Variants in PLXNA2 observed in about 807,000 individuals in gnomAD.
PLXNA2 encodes the protein plexin-A2.
A neutral mutation model predicts 193.5 loss-of-function variants in PLXNA2; 91 were observed. The observed-to-expected ratio is 0.47, with a 90% confidence interval of 0.40 to 0.56. The LOEUF (loss-of-function observed/expected upper bound fraction) is 0.56, where lower values mean the gene tolerates loss of function less well. Ranked by LOEUF, PLXNA2 falls within the 20% of genes least tolerant of loss-of-function variation. PLXNA2 has a pLI of 0.00. For missense variants in PLXNA2, 1,995 were observed against 2,503.2 expected, an observed-to-expected ratio of 0.80 and a Z score of 4.33; for synonymous variants, 997 against 1,027.3, an observed-to-expected ratio of 0.97 and a Z score of 0.56.
chr1:208,194,435 C>T (rs1486547832), intron 3 of PLXNA2, among the ~76,000 whole-genome samples: 3 of 119,754 alleles, frequency 2.5e-5, no homozygotes, highest in Non-Finnish European at 5.1e-5. Context: ...GCCCAGTGCC[C>T]AATAAATAAT....
chr1:208,218,726 C>T (rs1671226251), intron 1 of PLXNA2, among the ~76,000 whole-genome samples: 1 of 152,224 alleles, frequency 6.6e-6, no homozygotes, highest in Non-Finnish European at 1.5e-5. Flanking sequence ...CCACATGTGC[C>T]ATTCCGGAGC....
In PLXNA2 at chr1:208,024,731, G is replaced by C. The variant is rs1459962482; in HGVS notation, c.*2512C>G. The C allele has an allele frequency of 1.3e-5, 2 of 152,344 alleles. No homozygotes were observed. The highest frequency in any genetic ancestry group is 4.1e-4 in the South Asian group (2 of 4,826). 9.4% of individuals were successfully genotyped at this position (152,344 alleles called of 1,614,324 possible). Reference sequence around the variant, plus strand: ...ATGCCAGGTAGATGCATTGAGTTAAGGGCTGGTAGAGATGCTACTGAGATG... The same window carrying C: ...ATGCCAGGTAGATGCATTGAGTTAACGGCTGGTAGAGATGCTACTGAGATG... On this transcript the variant is annotated 3_prime_UTR_variant, in exon 32 of 32. Coordinates refer to ENST00000367033, the MANE Select transcript of PLXNA2 (RefSeq NM_025179.4).
intron 3 of PLXNA2, among the ~76,000 whole-genome samples, chr1:208,186,795 C>CGGG (rs1670020216): frequency 3.3e-5 from 5 of 150,588 alleles, no homozygotes. Context: ...TCTCGGCTCA[C>CGGG]TGCAAGCTCC....
intron 22 of PLXNA2, 176 bp from the exon 23 acceptor site, chr1:208,040,234 G>T (rs1664822776): frequency 1.7e-6 from 1 of 605,984 alleles, no homozygotes; most frequent in Non-Finnish European, 3.0e-6. Flanking sequence ...TGACCTGGGG[G>T]TAGGGGTGGC....
At chr1:208,092,404 T>C (rs533880585) in intron 9 of PLXNA2, among the ~76,000 whole-genome samples, 23 of 152,306 alleles carry the variant, frequency 1.5e-4, no homozygotes, top group Non-Finnish European at 2.9e-4. Flanking sequence ...AAAGTTCTAT[T>C]GAACTAGACT....
intron 3 of PLXNA2, among the ~76,000 whole-genome samples, chr1:208,183,294 T>C (rs1375805775): frequency 1.3e-5 from 2 of 152,230 alleles, no homozygotes; most frequent in Non-Finnish European, 2.9e-5. Flanking sequence ...GAGAGCCCCA[T>C]GAACTCACTT....
intron 1 of PLXNA2, among the ~76,000 whole-genome samples, chr1:208,233,042 T>C (rs1671738670): frequency 6.6e-6 from 1 of 152,232 alleles, no homozygotes; most frequent in Non-Finnish European, 1.5e-5. Flanking sequence ...TAGCCTCTGC[T>C]TGAATTCCCT....
intron 3 of PLXNA2, among the ~76,000 whole-genome samples, chr1:208,209,484 C>G (rs770601190): frequency 6.6e-6 from 1 of 152,114 alleles, no homozygotes; most frequent in Admixed American, 6.5e-5. Flanking sequence ...TAGCTGAGAC[C>G]GGAAAGAATG....
chr1:208,068,878 T>C (rs1224689439), intron 12 of PLXNA2, among the ~76,000 whole-genome samples: 1 of 152,238 alleles, frequency 6.6e-6, no homozygotes, highest in Non-Finnish European at 1.5e-5. Flanking sequence ...ATTTGCGTCT[T>C]AATGGGACTT....
chr1:208,177,453 T>C (rs549118024), intron 3 of PLXNA2, among the ~76,000 whole-genome samples: 1 of 152,226 alleles, frequency 6.6e-6, no homozygotes, highest in Non-Finnish European at 1.5e-5. Context: ...TCAGGATTAT[T>C]TATGAGGATT....
intron 3 of PLXNA2, among the ~76,000 whole-genome samples, chr1:208,202,879 C>T (rs1371154655): frequency 1.3e-5 from 2 of 152,180 alleles, no homozygotes; most frequent in African/African-American, 2.4e-5. Flanking sequence ...CAGCCTGAGG[C>T]CTCATACAAG....
chr1:208,084,951 C>A (rs866680783), intron 9 of PLXNA2, among the ~76,000 whole-genome samples: 1 of 152,210 alleles, frequency 6.6e-6, no homozygotes, highest in African/African-American at 2.4e-5. Context: ...TCCAGATACT[C>A]GGCCCCTTGC....
At chr1:208,064,759 T>C (rs1264168458) in intron 12 of PLXNA2, among the ~76,000 whole-genome samples, 1 of 152,148 alleles carries the variant, frequency 6.6e-6, no homozygotes, top group African/African-American at 2.4e-5. Flanking sequence ...GATTCGGAGA[T>C]GGCCAGGGAG....
intron 1 of PLXNA2, among the ~76,000 whole-genome samples, chr1:208,242,993 A>C (rs953968158): frequency 6.6e-6 from 1 of 152,162 alleles, no homozygotes; most frequent in Non-Finnish European, 1.5e-5. Flanking sequence ...GTGGTGCTCA[A>C]ACTAAGGGGC....
Position 208,029,238 on chromosome 1 carries a change from T to G in PLXNA2, c.5226-196A>C, listed in dbSNP as rs918856948. The G allele has an allele frequency of 3.5e-6, 5 of 1,408,778 alleles. No homozygotes were observed. The African/African-American group carries it at 5.8e-5, about 16-fold the overall frequency. The allele number at this position is 1,408,778 out of a possible 1,614,324, so 87.3% of individuals were successfully genotyped here. ...CTGGGAGAAATGGAAGGAGAGGCACTTTGTACCCTAATGGGGGCACTGACC... is the reference window on the plus strand; with the variant it reads ...CTGGGAGAAATGGAAGGAGAGGCACGTTGTACCCTAATGGGGGCACTGACC... On this transcript the variant is annotated intron_variant, in intron 29 of 31. Transcript: ENST00000367033.
At chr1:208,097,018 T>C in intron 6 of PLXNA2, 135 bp from the exon 7 acceptor site, 1 of 709,928 alleles carries the variant, frequency 1.4e-6, no homozygotes, top group South Asian at 2.0e-5. Flanking sequence ...TTGGTCTAAG[T>C]GGTCTTCCAG....
intron 3 of PLXNA2, among the ~76,000 whole-genome samples, chr1:208,202,911 A>G (rs1230789049): frequency 6.6e-6 from 1 of 152,236 alleles, no homozygotes; most frequent in African/African-American, 2.4e-5. Context: ...ATTGAAGTAT[A>G]TTAGAAACTA....
intron 1 of PLXNA2, among the ~76,000 whole-genome samples, chr1:208,237,220 C>G (rs929932605): frequency 2.0e-5 from 3 of 152,194 alleles, no homozygotes; most frequent in Non-Finnish European, 2.9e-5. Flanking sequence ...CTCCAGGTAG[C>G]AAGCACATGG....
chr1:208,230,994 T>C (rs1460833682), intron 1 of PLXNA2, among the ~76,000 whole-genome samples: 2 of 152,102 alleles, frequency 1.3e-5, no homozygotes, highest in Admixed American at 1.3e-4. Flanking sequence ...TGCCAAGATG[T>C]AGAGACACTC....
Sources: gnomAD v4.1 joint callset for allele counts (sites outside exome capture counted in the v4.1 genomes callset) on GRCh38, gnomAD v4.1.1 for gene constraint, MANE v1.5 for transcripts, NCBI Gene and HGNC (gene_info 2026-07-23, HGNC 2026-07-21) for gene names.